Variants in LRBA observed in about 807,000 individuals in gnomAD.
LRBA encodes the protein lipopolysaccharide-responsive and beige-like anchor protein.
A neutral mutation model predicts 330.0 loss-of-function variants in LRBA; 176 were observed. The observed-to-expected ratio is 0.53, with a 90% CI of 0.47 to 0.60. The LOEUF (loss-of-function observed/expected upper bound fraction) is 0.60. Among genes scored for constraint, LRBA ranks in the 20% least tolerant of loss-of-function variants. The probability of loss-of-function intolerance (pLI) is 0.00; values close to 1 mark genes in which losing one functional copy is unlikely to be tolerated. For missense variants in LRBA, 3,259 were observed against 3,444.8 expected, an observed-to-expected ratio of 0.95 and a Z score of 1.35; for synonymous variants, 1,230 against 1,193.0, an observed-to-expected ratio of 1.03 and a Z score of -0.64.
In LRBA at chr4:150,852,042, T is replaced by G. The variant is rs974709622; in HGVS notation, c.3668A>C (p.Lys1223Thr). The change falls in exon 23 of 57, where the codon AAA (lysine) becomes ACA (threonine). Residue 1223 changes from lysine to threonine, a missense_variant. Physicochemically the swap from Lys to Thr is moderately conservative, Grantham distance 78 (BLOSUM62 -1). Transcript: ENST00000651943. The part of the protein sequence containing the change: ...KKATNLTRET[K>T]LINDCHGSVS... ...ACTACCATGACAATCATTAATTAAT[T>G]TGGTTTCTCTAGTGAGGTTAGTTGC... 2 of 1,614,084 alleles carry G rather than the reference T, an allele frequency of 1.2e-6. No individual in the cohort carries two copies. The highest frequency in any genetic ancestry group is 4.5e-5 in the East Asian group (2 of 44,864).
chr4:150,888,135 G>C (rs944298342), intron 17 of LRBA, among the ~76,000 whole-genome samples: 1 of 149,216 alleles, frequency 6.7e-6, no homozygotes, highest in Non-Finnish European at 1.5e-5. Flanking sequence ...GAAAGGAAAG[G>C]AAAAAGGTAA....
At chr4:150,869,427 G>A (rs1261107358) in intron 20 of LRBA, among the ~76,000 whole-genome samples, 2 of 152,134 alleles carry the variant, frequency 1.3e-5, no homozygotes, top group Non-Finnish European at 2.9e-5. Context: ...AGCGGCTCAT[G>A]CCTGTAATCC....
intron 40 of LRBA, among the ~76,000 whole-genome samples, chr4:150,510,266 C>T (rs1032748210): frequency 1.3e-5 from 2 of 152,138 alleles, no homozygotes; most frequent in Non-Finnish European, 2.9e-5. Context: ...AAACTCCAGG[C>T]TCAGCAGACT....
chr4:150,394,783 A>G (rs913834426), intron 47 of LRBA, among the ~76,000 whole-genome samples: 2 of 152,206 alleles, frequency 1.3e-5, no homozygotes, highest in East Asian at 1.9e-4. Context: ...TTTTGTGATA[A>G]TATACTATAA....
intron 9 of LRBA, among the ~76,000 whole-genome samples, chr4:150,909,985 T>C (rs1422048331): frequency 6.6e-6 from 1 of 152,186 alleles, no homozygotes; most frequent in Non-Finnish European, 1.5e-5. Context: ...CTCAACTCTT[T>C]TATGCATTTT....
intron 11 of LRBA, among the ~76,000 whole-genome samples, chr4:150,908,043 T>A (rs756946296): frequency 3.3e-5 from 5 of 152,088 alleles, no homozygotes; most frequent in East Asian, 3.8e-4. Flanking sequence ...GTAAAAAAAA[T>A]TTTTAATTTA....
chr4:150,844,802 G>A, intron 26 of LRBA, 23 bp from the exon 27 acceptor site: 1 of 1,596,160 alleles, frequency 6.3e-7, no homozygotes, highest in African/African-American at 1.3e-5. Flanking sequence ...TTAAGGAAAA[G>A]ATAGGGAAAG....
intron 34 of LRBA, among the ~76,000 whole-genome samples, chr4:150,790,912 T>C (rs1048283124): frequency 2.6e-5 from 4 of 152,194 alleles, no homozygotes; most frequent in Non-Finnish European, 5.9e-5. Flanking sequence ...TTGATTCTCA[T>C]TCCATCTGCA....
chr4:150,285,812 G>C (rs999246978), intron 54 of LRBA, 121 bp downstream of exon 54: 1 of 527,622 alleles, frequency 1.9e-6, no homozygotes, highest in Non-Finnish European at 3.3e-6. Context: ...AGTTCCATAT[G>C]ACTAATGGCT....
chr4:150,670,246 C>T (rs1307927295), intron 37 of LRBA, among the ~76,000 whole-genome samples: 1 of 152,118 alleles, frequency 6.6e-6, no homozygotes, highest in Admixed American at 6.5e-5. Flanking sequence ...AATCTTTTTA[C>T]TTTTAAAAAT....
At chr4:150,882,394 AG>A (rs1231657948) in intron 17 of LRBA, among the ~76,000 whole-genome samples, 2 of 152,188 alleles carry the variant, frequency 1.3e-5, no homozygotes, top group African/African-American at 4.8e-5. Flanking sequence ...TACACATTAA[AG>A]GGAGGAAAAA....
chr4:150,861,591 A>G (rs1251222155), intron 22 of LRBA, among the ~76,000 whole-genome samples: 1 of 152,212 alleles, frequency 6.6e-6, no homozygotes, highest in Non-Finnish European at 1.5e-5. Context: ...TCAATCAGTG[A>G]GTAAGTGGTG....
intron 34 of LRBA, among the ~76,000 whole-genome samples, chr4:150,791,417 G>A (rs1391932532): frequency 2.0e-5 from 3 of 152,074 alleles, no homozygotes; most frequent in Admixed American, 6.5e-5. Context: ...TATTTGTCTC[G>A]CTCACTAATT....
intron 39 of LRBA, 114 bp from the exon 40 acceptor site, chr4:150,588,298 T>C: frequency 1.1e-6 from 1 of 952,308 alleles, no homozygotes; most frequent in Non-Finnish European, 1.5e-6. Flanking sequence ...CTGAACTGCC[T>C]GCCAACTACT....
intron 22 of LRBA, among the ~76,000 whole-genome samples, chr4:150,860,457 T>TTCA (rs1751755643): frequency 6.6e-6 from 1 of 152,172 alleles, no homozygotes; most frequent in African/African-American, 2.4e-5. Flanking sequence ...AAGTAGGCAC[T>TTCA]AGAGACCTCT....
rs115454182 is a variant in LRBA at position 150,368,247 on chromosome 4, G to A, written c.7195-18088C>T. On this transcript the variant is annotated intron_variant, in intron 47 of 56. Coordinates refer to ENST00000651943, the MANE Select transcript of LRBA (RefSeq NM_001364905.1). ...GAGAAAACTACTGTTCATTATCTGA[G>A]CTCCAGAAAATGTTCCCATCAGTGG... 2.7e-3 allele frequency among the ~76,000 whole-genome samples: 406 copies of A among 152,012 alleles called. 4 individuals carry two copies. The highest frequency in any genetic ancestry group is 9.5e-3 in the African/African-American group (394 of 41,452).
At position 150,522,840 on chromosome 4, in the gene LRBA, T is replaced by C. The variant is rs1014141878; in HGVS notation, c.6331-31805A>G. 5.3e-5 allele frequency among the ~76,000 whole-genome samples: 8 copies of C among 152,260 alleles called. No homozygotes were observed. In the East Asian group the frequency reaches 1.5e-3, roughly 29 times the overall value. On this transcript the variant is annotated intron_variant, in intron 40 of 56. Coordinates refer to ENST00000651943, the MANE Select transcript of LRBA (RefSeq NM_001364905.1). ...TTAAAGAATCCTTCCAAGAGTCCCA[T>C]GGCCAAGGCAGAAAACTGCTACAGA...
intron 40 of LRBA, among the ~76,000 whole-genome samples, chr4:150,506,428 C>A (rs1000175327): frequency 6.6e-6 from 1 of 152,126 alleles, no homozygotes; most frequent in African/African-American, 2.4e-5. Context: ...TCAACATATG[C>A]AAATCAATAA....
At chr4:150,275,854 A>C (rs1419405832) in intron 56 of LRBA, among the ~76,000 whole-genome samples, 5 of 152,260 alleles carry the variant, frequency 3.3e-5, no homozygotes, top group African/African-American at 9.6e-5. Context: ...CATACTGCCC[A>C]AAGTAATTTA....
Sources: allele counts gnomAD v4.1 joint callset (sites outside exome capture counted in the v4.1 genomes callset), GRCh38; gene constraint gnomAD v4.1.1; transcripts MANE v1.5; gene names NCBI Gene and HGNC (gene_info 2026-07-23, HGNC 2026-07-21).